SASH1: variants seen among roughly 807,000 people sequenced by gnomAD.
SASH1 encodes the protein SAM and SH3 domain containing 1.
SASH1 carries 44 observed loss-of-function variants against 125.2 expected under a neutral mutation model. The observed-to-expected ratio is 0.35, with a 90% CI of 0.28 to 0.45. The LOEUF is 0.45. SASH1 is among the 20% of genes least tolerant of loss of function. The pLI, the probability that SASH1 is intolerant of heterozygous loss-of-function variation, is 1.00. For missense variants in SASH1, 1,426 were observed against 1,614.5 expected, an observed-to-expected ratio of 0.88 and a Z score of 2.00; for synonymous variants, 639 against 649.1, an observed-to-expected ratio of 0.98 and a Z score of 0.24.
intron 1 of SASH1, among the ~76,000 whole-genome samples, chr6:148,280,931 TTTGTTTTGTTTTGTTTTG>T (rs1484680710): frequency 6.6e-6 from 1 of 151,496 alleles, no homozygotes; most frequent in Non-Finnish European, 1.5e-5. Context: ...AGAGTGTTGT[TTTGTTTTGTTTTGTTTTG>T]TTGTTTTGTT....
At chr6:148,206,793 G>GCGCACACACACACACA in the SASH1 span, among the ~76,000 whole-genome samples, 2 of 134,460 alleles carry the variant, frequency 1.5e-5, no homozygotes, top group African/African-American at 5.7e-5. Context: ...CCATCTCAAA[G>GCGCACACACACACACA]CACACACACA....
intron 1 of SASH1, among the ~76,000 whole-genome samples, chr6:148,377,853 T>C (rs916853113): frequency 6.6e-6 from 1 of 152,208 alleles, no homozygotes; most frequent in Non-Finnish European, 1.5e-5. Context: ...TGCCAGATGA[T>C]CTGTCAAGGG....
chr6:148,399,009 T>C (rs1784061995), intron 2 of SASH1, among the ~76,000 whole-genome samples: 1 of 152,172 alleles, frequency 6.6e-6, no homozygotes, highest in South Asian at 2.1e-4. Context: ...CTTGGCATTC[T>C]GTACCTTTGG....
chr6:148,508,703 G>C, intron 8 of SASH1: 2 of 1,197,068 alleles, frequency 1.7e-6, no homozygotes, highest in Non-Finnish European at 2.1e-6. Context: ...TGTGACGGTG[G>C]AGCCTGCCTG....
Position 148,544,833 on chromosome 6 carries a change from G to T in SASH1, c.3348+15G>T, listed in dbSNP as rs1259733438. 6.4e-7 allele frequency: 1 copy of T among 1,556,968 alleles called. No homozygotes were observed. Among genetic ancestry groups the T allele is most frequent in the South Asian group, 1.2e-5 (1 of 84,102 alleles). On this transcript the variant is annotated intron_variant, in intron 18 of 19. Transcript: ENST00000367467. The surrounding 1 kb of genome is among the most constrained non-coding windows in gnomAD (Gnocchi z 6.4). The stretch of plus-strand genomic sequence containing the variant: ...ATTCTGATAAGGTATCAAAGGTCCT[G>T]GGCCCACCACGTTCACAGGCCTTTG...
At chr6:148,300,743 A>G (rs1779919405) in intron 1 of SASH1, among the ~76,000 whole-genome samples, 2 of 152,084 alleles carry the variant, frequency 1.3e-5, no homozygotes, top group Admixed American at 6.6e-5. Context: ...TCGGCCTCCC[A>G]AAATGCTGGA....
chr6:148,486,973 A>G (rs1213497359), intron 7 of SASH1, among the ~76,000 whole-genome samples: 2 of 68,304 alleles, frequency 2.9e-5, no homozygotes, highest in African/African-American at 5.7e-5. Context: ...ATATATATAT[A>G]TATATATATA....
intron 4 of SASH1, among the ~76,000 whole-genome samples, chr6:148,443,786 C>T (rs1312305796): frequency 6.6e-6 from 1 of 152,036 alleles, no homozygotes; most frequent in African/African-American, 2.4e-5. Context: ...GATGCATTGT[C>T]GCTATAGAAT....
At chr6:148,394,912 G>A (rs1216080936) in intron 2 of SASH1, among the ~76,000 whole-genome samples, 2 of 152,190 alleles carry the variant, frequency 1.3e-5, no homozygotes, top group African/African-American at 4.8e-5. Context: ...CCAAAGAGCT[G>A]GGATTATAGG....
the SASH1 span, among the ~76,000 whole-genome samples, chr6:148,224,480 G>C: frequency 0.66 from 100,884 of 151,724 alleles, 34,087 homozygotes; most frequent in East Asian, 0.8. Context: ...CCTGCCTCAG[G>C]CTCCCAAATA....
At chr6:148,301,897 T>C (rs1482669452) in intron 1 of SASH1, among the ~76,000 whole-genome samples, 1 of 150,640 alleles carries the variant, frequency 6.6e-6, no homozygotes, top group Non-Finnish European at 1.5e-5. Context: ...GCACCCAACC[T>C]GTAGTTCTAT....
chr6:148,313,399 T>C (rs937198571), intron 1 of SASH1, among the ~76,000 whole-genome samples: 8 of 152,090 alleles, frequency 5.3e-5, no homozygotes, highest in African/African-American at 1.9e-4. Flanking sequence ...CCCTACTAAT[T>C]GGGGTACATC....
chr6:148,440,559 C>G (rs913012003), intron 4 of SASH1, 152 bp downstream of exon 4: 15 of 656,608 alleles, frequency 2.3e-5, no homozygotes, highest in African/African-American at 1.4e-4. Flanking sequence ...GTGTGTGTAT[C>G]TAGGTGGCTA....
At chr6:148,310,458 A>G (rs562859478) in intron 1 of SASH1, among the ~76,000 whole-genome samples, 2 of 151,906 alleles carry the variant, frequency 1.3e-5, no homozygotes, top group African/African-American at 2.4e-5. Context: ...GTAGACCTCA[A>G]TGTAAAATCA....
chr6:148,461,881 G>A (rs927618429), intron 4 of SASH1, among the ~76,000 whole-genome samples: 8 of 152,190 alleles, frequency 5.3e-5, no homozygotes, highest in Non-Finnish European at 7.3e-5. Flanking sequence ...CATGAAAGGA[G>A]CAAAATATGA....
At chr6:148,360,165 C>A (rs963443579) in intron 1 of SASH1, among the ~76,000 whole-genome samples, 1 of 152,200 alleles carries the variant, frequency 6.6e-6, no homozygotes, top group South Asian at 2.1e-4. Flanking sequence ...GCATTCCATG[C>A]TTCCTTGATG....
intron 2 of SASH1, among the ~76,000 whole-genome samples, chr6:148,424,346 C>G (rs1189381606): frequency 6.6e-6 from 1 of 151,796 alleles, no homozygotes; most frequent in Non-Finnish European, 1.5e-5. Flanking sequence ...CTGCCTCAGC[C>G]TCCCAAGTAC....
chr6:148,391,660 A>G (rs147512024), intron 2 of SASH1, among the ~76,000 whole-genome samples: 626 of 152,322 alleles, frequency 4.1e-3, no homozygotes, highest in African/African-American at 0.014. Flanking sequence ...TGTATGTGAT[A>G]AACAGTAACT....
At chr6:148,412,190 C>T (rs1784656542) in intron 2 of SASH1, among the ~76,000 whole-genome samples, 1 of 152,086 alleles carries the variant, frequency 6.6e-6, no homozygotes. Context: ...GATTTTGATA[C>T]AAGGATTGAG....
Sources: allele counts gnomAD v4.1 joint callset (sites outside exome capture counted in the v4.1 genomes callset), GRCh38; gene constraint gnomAD v4.1.1; non-coding constraint Gnocchi (gnomAD v3.1); transcripts MANE v1.5; gene names NCBI Gene and HGNC (gene_info 2026-07-23, HGNC 2026-07-21).